Variants in PTPRD observed in about 807,000 individuals in gnomAD.
PTPRD encodes receptor-type tyrosine-protein phosphatase delta.
PTPRD carries 34 observed loss-of-function variants against 214.5 expected under a neutral mutation model. The ratio of observed to expected loss-of-function variants is 0.16; its 90% confidence interval spans 0.12 to 0.21. The LOEUF is 0.21. PTPRD is among the 10% of genes least tolerant of loss of function. PTPRD has a pLI of 1.00. For synonymous variants in PTPRD, 1,128 were observed against 845.7 expected (o/e 1.33, Z -5.79); for missense variants, 2,545 against 2,398.7 (o/e 1.06, Z -1.27).
intron 8 of PTPRD, among the ~76,000 whole-genome samples, chr9:9,427,513 A>C (rs200375340): frequency 0.11 from 16,807 of 149,650 alleles, 1,213 homozygotes; most frequent in Middle Eastern, 0.2. Context: ...AGGAGAACTT[A>C]CCCAACCTAG....
chr9:9,855,192 T>A (rs910725844), intron 5 of PTPRD, among the ~76,000 whole-genome samples: 2 of 152,190 alleles, frequency 1.3e-5, no homozygotes, highest in Non-Finnish European at 2.9e-5. Context: ...GGGTATATAA[T>A]GTTTTACTTT....
chr9:9,330,146 T>G (rs1396846504), intron 9 of PTPRD, among the ~76,000 whole-genome samples: 4 of 152,166 alleles, frequency 2.6e-5, no homozygotes, highest in African/African-American at 9.6e-5. Context: ...CCATGCCATC[T>G]GACCCCCTGC....
At chr9:9,166,982 T>C (rs527354507) in intron 10 of PTPRD, among the ~76,000 whole-genome samples, 26 of 152,072 alleles carry the variant, frequency 1.7e-4, no homozygotes, top group Non-Finnish European at 3.2e-4. Flanking sequence ...GTTAAGTAAG[T>C]ATTAAGTACT....
chr9:9,636,975 A>G (rs989940246), intron 7 of PTPRD, among the ~76,000 whole-genome samples: 1 of 151,740 alleles, frequency 6.6e-6, no homozygotes, highest in Non-Finnish European at 1.5e-5. Flanking sequence ...GTGTCCTCAC[A>G]TGGTAGAAGC....
At chr9:8,396,744 C>T (rs12347647) in intron 36 of PTPRD, among the ~76,000 whole-genome samples, 4,141 of 152,158 alleles carry the variant, frequency 0.027, 186 homozygotes, top group African/African-American at 0.095. Context: ...ACAGCACTTG[C>T]TTGGCTACAT....
At chr9:8,711,871 G>A (rs369309764) in intron 12 of PTPRD, among the ~76,000 whole-genome samples, 17 of 152,284 alleles carry the variant, frequency 1.1e-4, no homozygotes, top group South Asian at 6.2e-4. Context: ...ATAATGCTAC[G>A]CAAGCAATGA....
At chr9:9,955,566 C>G (rs1280050961) in intron 4 of PTPRD, among the ~76,000 whole-genome samples, 2 of 150,878 alleles carry the variant, frequency 1.3e-5, no homozygotes, top group Non-Finnish European at 2.9e-5. Context: ...CTCTGTCGCC[C>G]AGGCTTGAGT....
chr9:8,936,735 C>A lies in PTPRD; in HGVS notation c.-104+81962G>T, dbSNP rs141166492. Among the ~76,000 whole-genome samples, 376 of 152,246 alleles carry A rather than the reference C, an allele frequency of 2.5e-3. 2 individuals are homozygous for A. The highest frequency in any genetic ancestry group is 8.5e-3 in the African/African-American group (353 of 41,548). On this transcript the variant is annotated intron_variant, in intron 11 of 45. Transcript: ENST00000381196. ...TTAATTTTATAAGCCTGTTCTACCA[C>A]TGAGTGATTCTGTTTTCTTACTGGA...
chr9:8,768,417 T>C (rs917098002), intron 11 of PTPRD, among the ~76,000 whole-genome samples: 8 of 152,090 alleles, frequency 5.3e-5, no homozygotes, highest in African/African-American at 1.7e-4. Context: ...CTGGGTGTGA[T>C]GGCACACACC....
chr9:8,373,014 A>G (rs919871837), intron 39 of PTPRD, among the ~76,000 whole-genome samples: 4 of 152,168 alleles, frequency 2.6e-5, no homozygotes, highest in African/African-American at 9.6e-5. Flanking sequence ...AACACAAAAT[A>G]CAGTATTCAC....
intron 2 of PTPRD, among the ~76,000 whole-genome samples, chr9:10,609,127 T>A (rs939281234): frequency 6.6e-6 from 1 of 152,074 alleles, no homozygotes; most frequent in African/African-American, 2.4e-5. Context: ...CCCAAAAATA[T>A]GTAACTGAAA....
intron 2 of PTPRD, among the ~76,000 whole-genome samples, chr9:10,416,626 C>T (rs915871914): frequency 1.3e-5 from 2 of 151,542 alleles, no homozygotes; most frequent in African/African-American, 2.4e-5. Flanking sequence ...TACTAGAAAA[C>T]AACTGTTGGT....
intron 35 of PTPRD, among the ~76,000 whole-genome samples, chr9:8,413,988 G>A (rs1337183790): frequency 6.6e-6 from 1 of 152,002 alleles, no homozygotes; most frequent in East Asian, 1.9e-4. Context: ...CACTGCTATG[G>A]GGTTGTGATT....
At position 8,521,325 on chromosome 9, in the gene PTPRD, T is replaced by A. The variant is rs1335469081; in HGVS notation, c.913A>T (p.Met305Leu). The change falls in exon 20 of 46, where the codon ATG (methionine) becomes TTG (leucine). Residue 305 changes from methionine to leucine, a missense_variant. Coordinates refer to ENST00000381196, the MANE Select transcript of PTPRD (RefSeq NM_002839.4). ...GCTTCAATGACACCCAGTGTTGACA[T>A]AGCAACACAGGTGTAATTTGCTGAC... ...RQSANYTCVA[M>L]STLGVIEAIA... 6.2e-7 allele frequency: 1 copy of A among 1,613,972 alleles called. No homozygotes were observed. The highest frequency in any genetic ancestry group is 8.5e-7 in the Non-Finnish European group (1 of 1,179,896).
chr9:9,001,758 C>A (rs763845248), intron 11 of PTPRD, among the ~76,000 whole-genome samples: 1 of 151,960 alleles, frequency 6.6e-6, no homozygotes, highest in Non-Finnish European at 1.5e-5. Flanking sequence ...CCTACTAACC[C>A]GCTCTTTTGA....
intron 5 of PTPRD, among the ~76,000 whole-genome samples, chr9:9,892,083 G>C (rs980698102): frequency 6.6e-6 from 1 of 152,018 alleles, no homozygotes; most frequent in African/African-American, 2.4e-5. Flanking sequence ...TTCATAAAAT[G>C]AGTATTTATT....
chr9:8,792,965 G>T (rs1397348540), intron 11 of PTPRD, among the ~76,000 whole-genome samples: 1 of 152,048 alleles, frequency 6.6e-6, no homozygotes, highest in Non-Finnish European at 1.5e-5. Context: ...CATTTCAAGG[G>T]ATCAGTAGGA....
At chr9:10,048,291 C>T (rs563959673) in intron 3 of PTPRD, among the ~76,000 whole-genome samples, 1 of 151,946 alleles carries the variant, frequency 6.6e-6, no homozygotes, top group African/African-American at 2.4e-5. Flanking sequence ...ATCTCTGTTT[C>T]AGTTCTGGTC....
At chr9:9,901,579 T>A (rs1292352193) in intron 5 of PTPRD, among the ~76,000 whole-genome samples, 1 of 151,954 alleles carries the variant, frequency 6.6e-6, no homozygotes, top group African/African-American at 2.4e-5. Flanking sequence ...TTTAATAAAT[T>A]ATTAAAATAA....
Sources: allele counts gnomAD v4.1 joint callset (sites outside exome capture counted in the v4.1 genomes callset), GRCh38; gene constraint gnomAD v4.1.1; transcripts MANE v1.5; gene names NCBI Gene and HGNC (gene_info 2026-07-23, HGNC 2026-07-21).